Variants in NHSL1 observed in about 807,000 individuals in gnomAD.
The protein encoded by NHSL1 is NHS-like protein 1.
A neutral mutation model predicts 95.0 loss-of-function variants in NHSL1; 48 were observed. That is an observed-to-expected ratio of 0.51 (90% CI 0.40 to 0.64). The LOEUF is 0.64. Ranked by LOEUF, NHSL1 falls within the 30% of genes least tolerant of loss-of-function variation. The probability of loss-of-function intolerance (pLI) is 0.00; values close to 1 mark genes in which losing one functional copy is unlikely to be tolerated. For synonymous variants in NHSL1, 783 were observed against 833.9 expected (o/e 0.94, Z 1.05); for missense variants, 1,971 against 2,077.7 (o/e 0.95, Z 1.00).
chr6:138,478,012 C>CCTT, intron 2 of NHSL1, among the ~76,000 whole-genome samples: 1 of 30,014 alleles, frequency 3.3e-5, no homozygotes, highest in South Asian at 1.2e-3. Context: ...ATTTATGTCA[C>CCTT]TTTTTTTTTT....
chr6:138,586,158 A>G (rs1418787037), intron 1 of NHSL1, among the ~76,000 whole-genome samples: 1 of 151,534 alleles, frequency 6.6e-6, no homozygotes, highest in African/African-American at 2.4e-5. Flanking sequence ...GCAGTGGTGC[A>G]ATCTTGGCTC....
chr6:138,662,678 G>A (rs1445845168), intron 1 of NHSL1, among the ~76,000 whole-genome samples: 1 of 152,056 alleles, frequency 6.6e-6, no homozygotes, highest in Admixed American at 6.6e-5. Flanking sequence ...GGATGCTTGA[G>A]TATTTTGTTC....
chr6:138,499,194 T>C (rs780494347), intron 1 of NHSL1, 39 bp downstream of exon 1: 1 of 1,331,604 alleles, frequency 7.5e-7, no homozygotes, highest in South Asian at 1.3e-5. Context: ...TGGAAACATA[T>C]GCACACAATA....
chr6:138,581,655 G>A (rs1156970255), intron 1 of NHSL1, among the ~76,000 whole-genome samples: 4 of 135,130 alleles, frequency 3.0e-5, no homozygotes, highest in East Asian at 2.2e-4. Flanking sequence ...TCATGCCACC[G>A]TACTCTGGCC....
chr6:138,555,570 T>C (rs2128336340), intron 1 of NHSL1, among the ~76,000 whole-genome samples: 2 of 152,332 alleles, frequency 1.3e-5, no homozygotes, highest in Middle Eastern at 6.8e-3. Flanking sequence ...CTTTTTCCTC[T>C]TTCATTCTTT....
chr6:138,580,775 G>A (rs1275478439), intron 1 of NHSL1, among the ~76,000 whole-genome samples: 3 of 152,222 alleles, frequency 2.0e-5, no homozygotes, highest in Non-Finnish European at 4.4e-5. Flanking sequence ...GGTGGAGGGA[G>A]AGAAATCTAT....
chr6:138,680,235 A>C (rs1183752083), intron 1 of NHSL1, among the ~76,000 whole-genome samples: 1 of 152,182 alleles, frequency 6.6e-6, no homozygotes, highest in Non-Finnish European at 1.5e-5. Context: ...CTTTGGTCTT[A>C]AACTGGCTAA....
Position 138,424,831 on chromosome 6 carries a change from C to CATT in NHSL1, c.4086-18_4086-16dup. The stretch of plus-strand genomic sequence containing the variant: ...TCCTTTTGGATCTGAGATTTAATAA[C>CATT]ATTAAGAAAAAGGTTAATTCCCACG... On this transcript the variant is annotated splice_polypyrimidine_tract_variant and intron_variant, in intron 7 of 7. Coordinates refer to ENST00000343505, the MANE Select transcript of NHSL1 (RefSeq NM_001144060.2). This position sits in a 1 kb window ranked among gnomAD's most constrained non-coding sequence, Gnocchi z 5.9. 1 of 1,543,826 alleles carries CATT rather than the reference C, an allele frequency of 6.5e-7. No individual in the cohort carries two copies. The highest frequency in any genetic ancestry group is 8.8e-7 in the Non-Finnish European group (1 of 1,142,118).
intron 1 of NHSL1, among the ~76,000 whole-genome samples, chr6:138,512,811 A>C (rs1781293488): frequency 6.6e-6 from 1 of 152,202 alleles, no homozygotes; most frequent in Non-Finnish European, 1.5e-5. Context: ...TGGCGAGAGA[A>C]AGGTTTCAGA....
At chr6:138,456,034 G>A (rs1431149962) in intron 3 of NHSL1, among the ~76,000 whole-genome samples, 1 of 152,204 alleles carries the variant, frequency 6.6e-6, no homozygotes, top group Non-Finnish European at 1.5e-5. Flanking sequence ...GCCAGGCACT[G>A]TGCTAAGGGT....
chr6:138,656,001 G>A (rs1397146292), intron 1 of NHSL1, among the ~76,000 whole-genome samples: 9 of 152,216 alleles, frequency 5.9e-5, no homozygotes. Context: ...CTCAGTCAGA[G>A]AAAGCCCTCC....
intron 1 of NHSL1, among the ~76,000 whole-genome samples, chr6:138,653,596 G>T (rs1785119849): frequency 6.6e-6 from 1 of 152,060 alleles, no homozygotes; most frequent in South Asian, 2.1e-4. Flanking sequence ...CTTTCACAAA[G>T]TATTGTTATG....
At chr6:138,487,049 C>G (rs1442311503) in intron 2 of NHSL1, among the ~76,000 whole-genome samples, 3 of 152,030 alleles carry the variant, frequency 2.0e-5, no homozygotes, top group Non-Finnish European at 4.4e-5. Flanking sequence ...TTGGGACATG[C>G]AGTAGACAGA....
intron 1 of NHSL1, among the ~76,000 whole-genome samples, chr6:138,677,895 G>A (rs1436949020): frequency 3.3e-5 from 5 of 152,196 alleles, no homozygotes; most frequent in African/African-American, 9.7e-5. Context: ...TGCTTATGAC[G>A]CTGCTTCTGA....
chr6:138,432,790 T>C lies in NHSL1; in HGVS notation c.1555A>G (p.Asn519Asp). The change falls in exon 6 of 8, where the codon AAT (asparagine) becomes GAT (aspartate). Residue 519 changes from asparagine (N) to aspartate (D), a missense_variant. By Grantham distance (23) the Asn-to-Asp change is conservative (BLOSUM62 1). Around this residue, in one of 3 missense-constraint regions of NHSL1, gnomAD observed 1,602 missense variants for 1,654.5 expected, o/e 0.97. Transcript: ENST00000343505. The surrounding 1 kb of genome is among the most constrained non-coding windows in gnomAD (Gnocchi z 4.4). ...RENGSQAMPY[N>D]CRNNLAFPAH... The stretch of plus-strand genomic sequence containing the variant: ...GGGAAGGCCAGGTTGTTTCTACAAT[T>C]ATACGGCATAGCTTGGGACCCATTC... 6.4e-7 allele frequency: 1 copy of C among 1,551,718 alleles called. No individual in the cohort carries two copies. The highest frequency in any genetic ancestry group is 8.7e-7 in the Non-Finnish European group (1 of 1,146,994).
At chr6:138,571,687 A>G (rs1444744668) in intron 1 of NHSL1, 46 of 1,547,504 alleles carry the variant, frequency 3.0e-5, no homozygotes, top group Middle Eastern at 3.3e-4. Context: ...TCAAATGTTT[A>G]AATTTTTTAA....
At chr6:138,448,369 C>A (rs553512518) in intron 3 of NHSL1, among the ~76,000 whole-genome samples, 1 of 152,304 alleles carries the variant, frequency 6.6e-6, no homozygotes, top group African/African-American at 2.4e-5. Flanking sequence ...AATAACTGCT[C>A]TTTAAGTCCG....
Position 138,442,027 on chromosome 6 carries a change from C to A in NHSL1, c.620G>T (p.Arg207Ile). 6.4e-7 allele frequency: 1 copy of A among 1,551,468 alleles called. No homozygotes were observed. Among genetic ancestry groups the A allele is most frequent in the Non-Finnish European group, 8.7e-7 (1 of 1,146,894 alleles). The change falls in exon 5 of 8, where the codon AGA (arginine) becomes ATA (isoleucine). Residue 207 changes from arginine (R) to isoleucine (I), a missense_variant. By Grantham distance (97) the Arg-to-Ile change is moderately conservative. Around this residue, in one of 3 missense-constraint regions of NHSL1, gnomAD observed 1,602 missense variants for 1,654.5 expected, o/e 0.97. Coordinates refer to ENST00000343505, the MANE Select transcript of NHSL1 (RefSeq NM_001144060.2). Reference protein sequence around the residue: ...LVRRPKKVKRRKTITGVPDNI... With the variant: ...LVRRPKKVKRIKTITGVPDNI... The stretch of plus-strand genomic sequence containing the variant: ...GTCAGGGACTCCTGTAATAGTCTTT[C>A]TCCTTTTGACTTTCTTCGGTCGTCT...
chr6:138,672,406 C>T (rs1027332598), intron 1 of NHSL1, among the ~76,000 whole-genome samples: 3 of 152,074 alleles, frequency 2.0e-5, no homozygotes, highest in African/African-American at 2.4e-5. Context: ...TTCCTCTGAC[C>T]GCCCAGCACT....
Sources: gnomAD v4.1 joint callset for allele counts (sites outside exome capture counted in the v4.1 genomes callset) on GRCh38, gnomAD v4.1.1 for gene constraint, gnomAD v4.1.1 regional missense constraint, Gnocchi (gnomAD v3.1) non-coding constraint, MANE v1.5 for transcripts, NCBI Gene and HGNC (gene_info 2026-07-23, HGNC 2026-07-21) for gene names.